OPHN1: variants seen among roughly 807,000 people sequenced by gnomAD.
OPHN1 encodes oligophrenin-1.
In OPHN1, 11 loss-of-function variants were observed where a neutral mutation model predicts 60.7. That is an observed-to-expected ratio of 0.18 (90% CI 0.11 to 0.30). OPHN1 has a LOEUF of 0.30. OPHN1 is among the 10% of genes least tolerant of loss of function. The pLI is 1.00. For synonymous variants in OPHN1, 226 were observed against 222.6 expected, an observed-to-expected ratio of 1.02 and a Z score of -0.14; for missense variants, 449 against 611.0, an observed-to-expected ratio of 0.73 and a Z score of 2.80.
At chrX:68,371,857 G>C (rs2078530895) in intron 2 of OPHN1, among the ~76,000 whole-genome samples, 1 of 112,287 alleles carries the variant, frequency 8.9e-6, no homozygotes, top group Non-Finnish European at 1.9e-5. Context: ...GAATTCTTCT[G>C]CCTCAGCCTC....
In OPHN1 at chrX:68,192,984, G is replaced by A; in HGVS notation, c.1211C>T (p.Thr404Ile). 8.3e-7 allele frequency: 1 copy of A among 1,208,256 alleles called. No individual in the cohort carries two copies. The highest frequency in any genetic ancestry group is 1.1e-6 in the Non-Finnish European group (1 of 892,420). Residue 404 changes from threonine to isoleucine, a missense_variant, in exon 15 of 25, where the codon ACA (threonine) becomes ATA (isoleucine). Thr to Ile is a moderately conservative substitution (Grantham distance 89). Transcript: ENST00000355520. The part of the protein sequence containing the change: ...INIIETKGIK[T>I]EGLYRTVGSN... ...GCCCACAGTGCGGTACAACCCTTCT[G>A]TCTTGATCCCTAGTGGAGGAAAAAA... is the stretch of plus-strand genomic sequence containing the variant.
At chrX:68,095,744 A>G (rs2077035955) in intron 19 of OPHN1, among the ~76,000 whole-genome samples, 1 of 111,036 alleles carries the variant, frequency 9.0e-6, no homozygotes, top group African/African-American at 3.3e-5. Flanking sequence ...TCTTTATTGA[A>G]TTATGCTTTT....
intron 4 of OPHN1, among the ~76,000 whole-genome samples, chrX:68,277,447 A>T (rs1319966518): frequency 8.9e-6 from 1 of 112,154 alleles, no homozygotes; most frequent in Non-Finnish European, 1.9e-5. Context: ...TATTAGAAAA[A>T]GTTGTTATGA....
chrX:68,286,160 C>A (rs1270340526), intron 3 of OPHN1, among the ~76,000 whole-genome samples: 1 of 111,233 alleles, frequency 9.0e-6, no homozygotes, highest in African/African-American at 3.3e-5. Context: ...ATCAGAACTC[C>A]TCTCTTTCCC....
At chrX:68,386,425 T>C (rs5965567) in intron 2 of OPHN1, among the ~76,000 whole-genome samples, 36,317 of 111,306 alleles carry the variant, frequency 0.33, 7,337 homozygotes, top group African/African-American at 0.77. Context: ...CTACAATGAA[T>C]AAACCTTTTC....
intron 21 of OPHN1, 138 bp from the exon 22 acceptor site, chrX:68,053,948 A>ATTTT (rs397895409): frequency 0.026 from 11,721 of 443,692 alleles, 55 homozygotes; most frequent in Non-Finnish European, 0.031. Context: ...AACTCTGGCT[A>ATTTT]TTTTTTTTTT....
intron 2 of OPHN1, among the ~76,000 whole-genome samples, chrX:68,422,766 AAG>A (rs2078834732): frequency 4.2e-5 from 2 of 47,496 alleles, no homozygotes; most frequent in Non-Finnish European, 5.2e-5. Context: ...AAGAAAGGGA[AAG>A]GGAAGAAAGA....
chrX:68,302,238 G>A (rs952561406), intron 2 of OPHN1, among the ~76,000 whole-genome samples: 1 of 112,150 alleles, frequency 8.9e-6, no homozygotes, highest in African/African-American at 3.2e-5. Flanking sequence ...TTTCTCCAAT[G>A]CATGGGTTAC....
intron 6 of OPHN1, among the ~76,000 whole-genome samples, chrX:68,225,939 A>C (rs2077689397): frequency 8.9e-6 from 1 of 111,976 alleles, no homozygotes; most frequent in African/African-American, 3.2e-5. Flanking sequence ...TCCAAGCTAA[A>C]GGAGGATGCT....
chrX:68,192,754 G>A (rs1016712506), intron 15 of OPHN1, 165 bp downstream of exon 15: 3 of 460,693 alleles, frequency 6.5e-6, no homozygotes, highest in South Asian at 3.2e-5. Flanking sequence ...TTCAAGGTAC[G>A]ATTGACTCTG....
chrX:68,282,169 C>T (rs910613042), intron 4 of OPHN1, among the ~76,000 whole-genome samples: 4 of 112,056 alleles, frequency 3.6e-5, no homozygotes, highest in Non-Finnish European at 7.5e-5. Flanking sequence ...CCAAAATAAC[C>T]AAGATGTCCC....
At chrX:68,397,728 G>A (rs1289543693) in intron 2 of OPHN1, among the ~76,000 whole-genome samples, 6 of 108,035 alleles carry the variant, frequency 5.6e-5, no homozygotes, top group Non-Finnish European at 1.1e-4. Flanking sequence ...TCACCACGTT[G>A]GCCAGGTTGA....
chrX:68,168,910 T>C (rs2077374235), intron 15 of OPHN1, among the ~76,000 whole-genome samples: 2 of 111,091 alleles, frequency 1.8e-5, no homozygotes, highest in Admixed American at 1.9e-4. Context: ...CTAGAAGAAA[T>C]GGATAAATTC....
intron 15 of OPHN1, among the ~76,000 whole-genome samples, chrX:68,151,722 C>T (rs986819168): frequency 6.3e-5 from 7 of 111,896 alleles, no homozygotes; most frequent in African/African-American, 1.6e-4. Flanking sequence ...TCCCTTGAAA[C>T]GGTTATTTCA....
At chrX:68,066,639 T>C (rs764367997) in intron 20 of OPHN1, among the ~76,000 whole-genome samples, 5 of 111,721 alleles carry the variant, frequency 4.5e-5, no homozygotes, top group African/African-American at 6.5e-5. Context: ...ACTTATACCA[T>C]GGCAGACCCT....
At chrX:68,178,725 T>C (rs968803381) in intron 15 of OPHN1, among the ~76,000 whole-genome samples, 7 of 112,145 alleles carry the variant, frequency 6.2e-5, no homozygotes, top group Admixed American at 1.9e-4. Context: ...TTGAATTCAC[T>C]ATACTGTTTT....
At chrX:68,069,899 A>G (rs1165215862) in intron 20 of OPHN1, among the ~76,000 whole-genome samples, 1 of 111,342 alleles carries the variant, frequency 9.0e-6, no homozygotes, top group South Asian at 3.9e-4. Context: ...TGCAAGAACA[A>G]TGAGATTACA....
chrX:68,074,797 G>A (rs2076947712), intron 19 of OPHN1, among the ~76,000 whole-genome samples: 1 of 111,323 alleles, frequency 9.0e-6, no homozygotes, highest in Non-Finnish European at 1.9e-5. Flanking sequence ...CAACATAGAA[G>A]CATGTCTGTC....
intron 2 of OPHN1, among the ~76,000 whole-genome samples, chrX:68,380,221 G>A: frequency 9.0e-6 from 1 of 111,562 alleles, no homozygotes. Flanking sequence ...TTGCATAGAG[G>A]TGTTTATAGC....
Sources: allele counts gnomAD v4.1 joint callset (sites outside exome capture counted in the v4.1 genomes callset), GRCh38; gene constraint gnomAD v4.1.1; transcripts MANE v1.5; gene names NCBI Gene and HGNC (gene_info 2026-07-23, HGNC 2026-07-21).